The following ZNF521 variants were observed in gnomAD, a reference collection of about 807,000 sequenced individuals.
The protein encoded by ZNF521 is LYST-interacting protein 3.
ZNF521 carries 14 observed loss-of-function variants against 105.5 expected under a neutral mutation model. That is an observed-to-expected ratio of 0.13 (90% CI 0.09 to 0.21). The LOEUF is 0.21. Among genes scored for constraint, ZNF521 ranks in the 10% least tolerant of loss-of-function variants. The pLI, the probability that ZNF521 is intolerant of heterozygous loss-of-function variation, is 1.00. For missense variants in ZNF521, 1,233 were observed against 1,629.7 expected (o/e 0.76, Z 4.19); for synonymous variants, 635 against 606.0 (o/e 1.05, Z -0.70).
At chr18:25,179,885 G>A (rs2035601341) in intron 5 of ZNF521, among the ~76,000 whole-genome samples, 1 of 152,084 alleles carries the variant, frequency 6.6e-6, no homozygotes, top group African/African-American at 2.4e-5. Context: ...ACACAAAGAA[G>A]ACGACAAAAA....
intron 5 of ZNF521, among the ~76,000 whole-genome samples, chr18:25,145,032 G>A (rs2034917633): frequency 6.6e-6 from 1 of 152,164 alleles, no homozygotes; most frequent in African/African-American, 2.4e-5. Context: ...GCAGATGACT[G>A]TCTGTGGAAC....
chr18:25,319,595 CAA>C (rs67059898), intron 3 of ZNF521, among the ~76,000 whole-genome samples: 84 of 114,456 alleles, frequency 7.3e-4, no homozygotes, highest in East Asian at 4.8e-3. Context: ...GACTCCATCA[CAA>C]AAAAAAAAAA....
At chr18:25,255,342 T>C (rs1028213676) in intron 3 of ZNF521, among the ~76,000 whole-genome samples, 2 of 152,130 alleles carry the variant, frequency 1.3e-5, no homozygotes, top group Non-Finnish European at 2.9e-5. Flanking sequence ...ATACTTTACA[T>C]ACAAAGTAAA....
In ZNF521 at chr18:25,227,071, A is replaced by G; in HGVS notation, c.847T>C (p.Cys283Arg). 1.2e-6 allele frequency: 2 copies of G among 1,614,058 alleles called. No individual in the cohort carries two copies. Among genetic ancestry groups the G allele is most frequent in the Non-Finnish European group, 1.7e-6 (2 of 1,179,988 alleles). The change falls in exon 4 of 8, where the codon TGT becomes CGT. Residue 283 changes from cysteine to arginine, a missense_variant. By Grantham distance (180) the Cys-to-Arg change is radical (BLOSUM62 -3). Transcript: ENST00000361524. This position sits in a 1 kb window ranked among gnomAD's most constrained non-coding sequence, Gnocchi z 5.7. ...ACGAAGAGCTCGTGGCAGTAGACAC[A>G]CTGGAGGGCCGCTCGGTCCTCATTT... ...SPNEDRAALQ[C>R]VYCHELFVEE... is the part of the protein sequence containing the mutation.
chr18:25,074,041 TGTGTCTGTGCACATGTGTGCGCACGC>T (rs1254224070), intron 7 of ZNF521, among the ~76,000 whole-genome samples: 1 of 136,358 alleles, frequency 7.3e-6, no homozygotes, highest in African/African-American at 2.7e-5. Context: ...CGTGCATGTG[TGTGTCTGTGCACATGTGTGCGCACGC>T]GTGTGTGCGT....
chr18:25,133,677 T>C (rs2034680414), intron 5 of ZNF521, among the ~76,000 whole-genome samples: 2 of 152,200 alleles, frequency 1.3e-5, no homozygotes, highest in Admixed American at 6.6e-5. Flanking sequence ...TTTTACCTCC[T>C]GTTACCAAAT....
At chr18:25,311,366 T>A (rs1912294673) in intron 3 of ZNF521, among the ~76,000 whole-genome samples, 1 of 139,118 alleles carries the variant, frequency 7.2e-6, no homozygotes, top group African/African-American at 2.7e-5. Context: ...AAAAACAACA[T>A]GAGTCAAGCA....
In ZNF521 at chr18:25,066,696, C is replaced by T. The variant is rs1173628626; in HGVS notation, c.3907-3955G>A. Among the ~76,000 whole-genome samples, 3 of 152,202 alleles carry T rather than the reference C, an allele frequency of 2.0e-5. No homozygotes were observed. The East Asian group carries it at 5.8e-4, about 29-fold the overall frequency. On this transcript the variant is annotated intron_variant, in intron 7 of 7. Transcript: ENST00000361524. ...GGTAGGCTCTGAGGCCCAGTCTGCT[C>T]TCCCCCTGGCTACTTGCCACACCAC...
chr18:25,086,710 T>C (rs1171578214), intron 7 of ZNF521, among the ~76,000 whole-genome samples: 1 of 152,158 alleles, frequency 6.6e-6, no homozygotes, highest in African/African-American at 2.4e-5. Context: ...ATATATAATT[T>C]AGAGTTGTGG....
At chr18:25,253,341 A>G (rs1316732792) in intron 3 of ZNF521, among the ~76,000 whole-genome samples, 2 of 152,104 alleles carry the variant, frequency 1.3e-5, no homozygotes, top group African/African-American at 4.8e-5. Flanking sequence ...ATTTCCATTT[A>G]TTTGCACTGC....
At position 25,084,521 on chromosome 18, in the gene ZNF521, G is replaced by C. The variant is rs902939931; in HGVS notation, c.3906+4944C>G. 2.7e-4 allele frequency among the ~76,000 whole-genome samples: 38 copies of C among 140,394 alleles called. 1 individual carries two copies. The highest frequency in any genetic ancestry group is 9.4e-4 in the African/African-American group (38 of 40,520). The allele number at this position is 140,394 out of a possible 152,430, so 92.1% of individuals were successfully genotyped here. On this transcript the variant is annotated intron_variant, in intron 7 of 7. Transcript: ENST00000361524. ...AACCTTAGTGATTTCTGAAAGTCTCGGTATATCCCTCAAATGTCAAATTAC... is the reference window on the plus strand; with the variant it reads ...AACCTTAGTGATTTCTGAAAGTCTCCGTATATCCCTCAAATGTCAAATTAC...
intron 3 of ZNF521, among the ~76,000 whole-genome samples, chr18:25,272,243 A>G (rs1362443067): frequency 6.6e-6 from 1 of 152,238 alleles, no homozygotes; most frequent in Non-Finnish European, 1.5e-5. Context: ...AATGGTGATC[A>G]TTAAAAAGTC....
At chr18:25,326,359 A>G (rs1913221243) in intron 2 of ZNF521, among the ~76,000 whole-genome samples, 1 of 152,212 alleles carries the variant, frequency 6.6e-6, no homozygotes, top group South Asian at 2.1e-4. Context: ...ATGGAAAAGC[A>G]CTGGCAAAAG....
At chr18:25,269,101 G>C (rs879480247) in intron 3 of ZNF521, among the ~76,000 whole-genome samples, 2 of 90,466 alleles carry the variant, frequency 2.2e-5, no homozygotes, top group African/African-American at 9.7e-5. Flanking sequence ...CAAGCAAATG[G>C]AAAGCAAAAA....
intron 2 of ZNF521, among the ~76,000 whole-genome samples, chr18:25,341,498 G>A (rs1443008192): frequency 6.6e-6 from 1 of 152,170 alleles, no homozygotes; most frequent in Non-Finnish European, 1.5e-5. Context: ...GAACTTTTAG[G>A]AGGGGTAAAA....
chr18:25,167,581 T>C (rs1383912605), intron 5 of ZNF521, among the ~76,000 whole-genome samples: 2 of 152,210 alleles, frequency 1.3e-5, no homozygotes, highest in African/African-American at 4.8e-5. Context: ...TCTTGGTCTT[T>C]TTATTTAAAA....
intron 5 of ZNF521, among the ~76,000 whole-genome samples, chr18:25,186,443 C>A (rs1274130864): frequency 6.6e-6 from 1 of 152,066 alleles, no homozygotes; most frequent in African/African-American, 2.4e-5. Context: ...CTTTTTCTAA[C>A]AAAATGACTT....
chr18:25,315,055 G>A (rs554927807), intron 3 of ZNF521, among the ~76,000 whole-genome samples: 1 of 152,254 alleles, frequency 6.6e-6, no homozygotes, highest in Admixed American at 6.5e-5. Context: ...CCCACCCCCT[G>A]AGGGAATTGG....
intron 5 of ZNF521, among the ~76,000 whole-genome samples, chr18:25,109,610 T>C (rs2034144031): frequency 6.6e-6 from 1 of 152,178 alleles, no homozygotes; most frequent in African/African-American, 2.4e-5. Flanking sequence ...CTTGACAACA[T>C]ATGTTGCTTT....
Sources: allele counts gnomAD v4.1 joint callset (sites outside exome capture counted in the v4.1 genomes callset), GRCh38; gene constraint gnomAD v4.1.1; non-coding constraint Gnocchi (gnomAD v3.1); transcripts MANE v1.5; gene names NCBI Gene and HGNC (gene_info 2026-07-23, HGNC 2026-07-21).